The following FBXL13 variants were observed in gnomAD, a reference collection of about 807,000 sequenced individuals.
FBXL13 encodes the protein F-box and leucine-rich repeat protein 13.
Under a neutral mutation model 83.6 loss-of-function variants are expected in FBXL13, and 67 were observed. The ratio of observed to expected loss-of-function variants is 0.80; its 90% confidence interval spans 0.66 to 0.98. The LOEUF (loss-of-function observed/expected upper bound fraction) is 0.98. Among genes scored for constraint, FBXL13 ranks in the 50% least tolerant of loss-of-function variants. The pLI is 0.00. For missense variants in FBXL13, 822 were observed against 866.5 expected (o/e 0.95, Z 0.64); for synonymous variants, 272 against 299.5 (o/e 0.91, Z 0.95).
At chr7:103,012,047 A>C (rs1165134555) in intron 6 of FBXL13, among the ~76,000 whole-genome samples, 1 of 152,150 alleles carries the variant, frequency 6.6e-6, no homozygotes, top group Admixed American at 6.5e-5. Context: ...CAAGACACAT[A>C]ATCATCAGAT....
At chr7:102,916,978 A>T (rs1219123711) in intron 10 of FBXL13, among the ~76,000 whole-genome samples, 1 of 152,112 alleles carries the variant, frequency 6.6e-6, no homozygotes, top group East Asian at 1.9e-4. Flanking sequence ...AGGACTTACT[A>T]CTAAGATGAA....
At chr7:102,983,415 T>C (rs1381907027) in intron 6 of FBXL13, among the ~76,000 whole-genome samples, 1 of 130,088 alleles carries the variant, frequency 7.7e-6, no homozygotes, top group Non-Finnish European at 1.6e-5. Flanking sequence ...TGGTTTTCTT[T>C]TTTCCCCTTT....
At chr7:102,885,983 TC>T (rs2129459457) in intron 11 of FBXL13, among the ~76,000 whole-genome samples, 1 of 152,348 alleles carries the variant, frequency 6.6e-6, no homozygotes, top group East Asian at 1.9e-4. Context: ...GTTCTATATG[TC>T]TATCCTTATG....
At chr7:102,819,151 T>G (rs1350143000) in intron 19 of FBXL13, among the ~76,000 whole-genome samples, 1 of 152,176 alleles carries the variant, frequency 6.6e-6, no homozygotes, top group African/African-American at 2.4e-5. Context: ...GTGGGGGCCA[T>G]TGTGAGGGTC....
At chr7:102,890,917 T>C (rs916161182) in intron 11 of FBXL13, among the ~76,000 whole-genome samples, 2 of 152,192 alleles carry the variant, frequency 1.3e-5, no homozygotes, top group Admixed American at 6.5e-5. Flanking sequence ...ATCCAATGAC[T>C]AATAGGTAGT....
intron 16 of FBXL13, among the ~76,000 whole-genome samples, chr7:102,858,231 T>C (rs1806309689): frequency 6.6e-6 from 1 of 152,102 alleles, no homozygotes; most frequent in Non-Finnish European, 1.5e-5. Flanking sequence ...TCCTCACTCA[T>C]GGGAGCTACG....
intron 8 of FBXL13, among the ~76,000 whole-genome samples, chr7:102,943,791 C>T (rs1418751787): frequency 6.6e-6 from 1 of 152,138 alleles, no homozygotes; most frequent in East Asian, 1.9e-4. Flanking sequence ...CTAACTTTAC[C>T]TGGTAAATGG....
chr7:103,067,229 G>A (rs747076574), intron 1 of FBXL13, among the ~76,000 whole-genome samples: 3 of 152,184 alleles, frequency 2.0e-5, no homozygotes, highest in Non-Finnish European at 4.4e-5. Context: ...CAGTTGCTCA[G>A]GGGTAAGCAC....
At chr7:103,051,882 G>T (rs7806616) in intron 2 of FBXL13, among the ~76,000 whole-genome samples, 20,177 of 152,198 alleles carry the variant, frequency 0.13, 1,404 homozygotes, top group Middle Eastern at 0.2. Context: ...ACGGCTGCTG[G>T]GATTGGCCAA....
At chr7:102,825,258 C>T (rs1799425046) in intron 18 of FBXL13, among the ~76,000 whole-genome samples, 1 of 152,068 alleles carries the variant, frequency 6.6e-6, no homozygotes, top group African/African-American at 2.4e-5. Context: ...AGGTGGGGCC[C>T]TTAAGAGGTA....
At chr7:102,869,840 C>G (rs1161417714) in intron 16 of FBXL13, among the ~76,000 whole-genome samples, 3 of 152,124 alleles carry the variant, frequency 2.0e-5, no homozygotes, top group Admixed American at 2.0e-4. Context: ...GTCTGTGTGT[C>G]TGTTTTTTAT....
rs556360622 is a variant in FBXL13, at chr7:103,018,348, C to T, written c.495+6715G>A. On this transcript the variant is annotated intron_variant, in intron 6 of 19. Transcript: ENST00000313221. ...AGCACTAAACACGGAAAGGAACAACCGGTACCAGCCACTGCAAAAACATGC... is the reference window on the plus strand; with the variant it reads ...AGCACTAAACACGGAAAGGAACAACTGGTACCAGCCACTGCAAAAACATGC... Among the ~76,000 whole-genome samples, 10 of 152,252 alleles carry T rather than the reference C, an allele frequency of 6.6e-5. No homozygotes were observed. In the East Asian group the frequency reaches 9.7e-4, roughly 15 times the overall value.
chr7:102,843,690 C>T (rs551331179), intron 17 of FBXL13, among the ~76,000 whole-genome samples: 8 of 152,274 alleles, frequency 5.3e-5, no homozygotes, highest in Admixed American at 3.3e-4. Context: ...ACAGGAGAAT[C>T]GCTTGAACCC....
chr7:102,897,006 G>A (rs1812329911), intron 11 of FBXL13, among the ~76,000 whole-genome samples: 1 of 151,702 alleles, frequency 6.6e-6, no homozygotes, highest in Non-Finnish European at 1.5e-5. Flanking sequence ...GCAAGGAGCA[G>A]GAATTTTTTT....
intron 1 of FBXL13, among the ~76,000 whole-genome samples, chr7:103,057,693 G>A (rs1165172628): frequency 6.6e-6 from 1 of 152,180 alleles, no homozygotes; most frequent in Non-Finnish European, 1.5e-5. Flanking sequence ...AGTTGCTGCT[G>A]TCTCATTTTC....
At chr7:102,929,884 T>A (rs796299936) in intron 9 of FBXL13, among the ~76,000 whole-genome samples, 2 of 152,024 alleles carry the variant, frequency 1.3e-5, no homozygotes, top group African/African-American at 4.8e-5. Context: ...AGTGGGTAAA[T>A]TTAATCTCAA....
At chr7:103,071,090 G>A (rs1416907248) in intron 1 of FBXL13, among the ~76,000 whole-genome samples, 2 of 151,780 alleles carry the variant, frequency 1.3e-5, no homozygotes, top group African/African-American at 4.8e-5. Context: ...ACTGGACACA[G>A]CATAAAACAA....
Position 103,027,528 on chromosome 7 carries a change from T to C in FBXL13, c.248A>G (p.Tyr83Cys), listed in dbSNP as rs758153736. 40 of 1,611,528 alleles carry C rather than the reference T, an allele frequency of 2.5e-5. No individual in the cohort carries two copies. Among genetic ancestry groups the C allele is most frequent in the Middle Eastern group, 1.7e-4 (1 of 6,054 alleles). Residue 83 changes from tyrosine to cysteine, a missense_variant, in exon 5 of 20, where the codon TAT becomes TGT. Physicochemically the swap from Tyr to Cys is radical, Grantham distance 194 (BLOSUM62 -2). Coordinates refer to ENST00000313221, the Ensembl canonical transcript of FBXL13. ...TAGGATAATGGTTAGCTTGTGACAA[T>C]AGATGATCTGTTGTATCCGCAATAG...
chr7:103,010,089 G>T (rs775551555), intron 6 of FBXL13, among the ~76,000 whole-genome samples: 3 of 151,782 alleles, frequency 2.0e-5, no homozygotes, highest in Non-Finnish European at 4.4e-5. Context: ...GTAACCGGGT[G>T]CCAGAGCTTC....
Sources: gnomAD v4.1 joint callset for allele counts (sites outside exome capture counted in the v4.1 genomes callset) on GRCh38, gnomAD v4.1.1 for gene constraint, MANE v1.5 for transcripts, NCBI Gene and HGNC (gene_info 2026-07-23, HGNC 2026-07-21) for gene names.